The following BRWD3 variants were observed in gnomAD, a reference collection of about 807,000 sequenced individuals.
BRWD3 encodes bromodomain and WD repeat domain containing 3.
Under a neutral mutation model 149.7 loss-of-function variants are expected in BRWD3, and 10 were observed. That is an observed-to-expected ratio of 0.07 (90% CI 0.04 to 0.11). The LOEUF (loss-of-function observed/expected upper bound fraction) is 0.11, where lower values mean the gene tolerates loss of function less well. Among genes scored for constraint, BRWD3 ranks in the 10% least tolerant of loss-of-function variants. BRWD3 has a pLI of 1.00. For synonymous variants in BRWD3, 504 were observed against 456.7 expected, an observed-to-expected ratio of 1.10 and a Z score of -1.32; for missense variants, 940 against 1,373.2, an observed-to-expected ratio of 0.68 and a Z score of 4.99.
intron 17 of BRWD3, among the ~76,000 whole-genome samples, chrX:80,720,291 T>C (rs1230993579): frequency 9.0e-6 from 1 of 111,369 alleles, no homozygotes; most frequent in African/African-American, 3.3e-5. Flanking sequence ...AGATAACAGC[T>C]CCATATTGCC....
chrX:80,676,423 G>T lies in BRWD3; in HGVS notation c.*186C>A. ...TTTAATTTAAGGCCTAATGAGTAAG[G>T]CTTATTTGAACAAATGAAGTGTGGA... On this transcript the variant is annotated 3_prime_UTR_variant, in exon 41 of 41. Coordinates refer to ENST00000373275, the MANE Select transcript of BRWD3 (RefSeq NM_153252.5). 3.7e-6 allele frequency: 2 copies of T among 543,708 alleles called. No individual in the cohort carries two copies. The highest frequency in any genetic ancestry group is 5.8e-6 in the Non-Finnish European group (2 of 342,623). 44.8% of individuals were successfully genotyped at this position (543,708 alleles called of 1,213,427 possible).
chrX:80,796,622 T>C (rs932022977), intron 4 of BRWD3, among the ~76,000 whole-genome samples: 10 of 111,212 alleles, frequency 9.0e-5, no homozygotes, highest in African/African-American at 3.3e-4. Context: ...TTTGGTAAGT[T>C]CCTTCAAAAA....
In BRWD3 at chrX:80,809,625, G is replaced by T. The variant is rs773657193; in HGVS notation, c.-154C>A. 2 of 448,836 alleles carry T rather than the reference G, an allele frequency of 4.5e-6. No homozygotes were observed. The highest frequency in any genetic ancestry group is 3.7e-5 in the East Asian group (1 of 26,868). 37.0% of individuals were successfully genotyped at this position (448,836 alleles called of 1,213,427 possible). A position where few individuals can be genotyped will look rare whatever the true frequency, so the allele number is the denominator to read the frequency against. ...AGTTTCGCTCTCTCTCGAATTCATC[G>T]CATCACGTTTCGACCCATAGATATT... On this transcript the variant is annotated 5_prime_UTR_variant, in exon 1 of 41. Transcript: ENST00000373275.
At chrX:80,784,354 A>T (rs1358353767) in intron 6 of BRWD3, among the ~76,000 whole-genome samples, 1 of 112,216 alleles carries the variant, frequency 8.9e-6, no homozygotes, top group Non-Finnish European at 1.9e-5. Flanking sequence ...GATAGTATCA[A>T]CAATACTAGT....
At position 80,686,960 on chromosome X, in the gene BRWD3, T is replaced by A; in HGVS notation, c.3908A>T (p.Asp1303Val). 6 of 1,210,013 alleles carry A rather than the reference T, an allele frequency of 5.0e-6. No homozygotes were observed. The highest frequency in any genetic ancestry group is 6.7e-6 in the Non-Finnish European group (6 of 894,342). Residue 1303 changes from aspartate (D) to valine (V), a missense_variant, in exon 35 of 41, where the codon GAT (aspartate) becomes GTT (valine). Transcript: ENST00000373275. ...TTCCTTGCATTGTTTTTTCCAAGCA[T>A]CAGGATTACACTTTAAAGACTGTCT... is the stretch of plus-strand genomic sequence containing the variant. ...GRRQSLKCNP[D>V]AWKKQCKELL...
intron 13 of BRWD3, among the ~76,000 whole-genome samples, chrX:80,729,510 C>T (rs899800629): frequency 9.0e-5 from 10 of 111,259 alleles, no homozygotes; most frequent in African/African-American, 2.9e-4. Flanking sequence ...ATATTTATTA[C>T]TGAGTAGGAA....
At chrX:80,742,515 C>A (rs1381397476) in intron 8 of BRWD3, among the ~76,000 whole-genome samples, 3 of 109,741 alleles carry the variant, frequency 2.7e-5, no homozygotes, top group Admixed American at 9.7e-5. Flanking sequence ...GATACTGATT[C>A]TTCCTACCCA....
intron 6 of BRWD3, among the ~76,000 whole-genome samples, chrX:80,761,264 T>C (rs1012620668): frequency 8.9e-6 from 1 of 112,235 alleles, no homozygotes; most frequent in African/African-American, 3.2e-5. Context: ...CAGTCAATCA[T>C]ATTGTCATCA....
chrX:80,714,174 G>A (rs1347830374), intron 20 of BRWD3, among the ~76,000 whole-genome samples: 3 of 108,580 alleles, frequency 2.8e-5, no homozygotes, highest in Non-Finnish European at 5.7e-5. Context: ...GCTACCTGGA[G>A]GCTTCATCTG....
chrX:80,725,100 A>G, intron 14 of BRWD3, 33 bp from the exon 15 acceptor site: 1 of 1,196,760 alleles, frequency 8.4e-7, no homozygotes, highest in East Asian at 3.0e-5. Flanking sequence ...CAATGAAAGC[A>G]ACACGAAATG....
intron 6 of BRWD3, among the ~76,000 whole-genome samples, chrX:80,756,521 A>AAAC (rs1443109404): frequency 9.3e-6 from 1 of 107,852 alleles, no homozygotes; most frequent in Non-Finnish European, 1.9e-5. Context: ...AAAAAAAAAA[A>AAAC]AAAAGAAACA....
chrX:80,794,449 G>A (rs1166914041), intron 4 of BRWD3, among the ~76,000 whole-genome samples: 1 of 109,354 alleles, frequency 9.1e-6, no homozygotes, highest in East Asian at 2.8e-4. Context: ...AGGTTGCAGT[G>A]AGCTGAGATT....
At chrX:80,759,869 A>C (rs890445544) in intron 6 of BRWD3, among the ~76,000 whole-genome samples, 1 of 111,231 alleles carries the variant, frequency 9.0e-6, no homozygotes, top group African/African-American at 3.3e-5. Context: ...TCTAGTCTGT[A>C]GTATAATCCC....
chrX:80,693,580 G>T (rs968322865), intron 27 of BRWD3, among the ~76,000 whole-genome samples: 1 of 111,646 alleles, frequency 9.0e-6, no homozygotes, highest in East Asian at 2.8e-4. Context: ...ATAGAGATCA[G>T]GAACTTATTG....
At chrX:80,687,153 A>T in intron 34 of BRWD3, 150 bp from the exon 35 acceptor site, 1 of 434,138 alleles carries the variant, frequency 2.3e-6, no homozygotes, top group African/African-American at 2.6e-5. Flanking sequence ...TCTTAGTTTA[A>T]ATTAGACAGT....
chrX:80,736,922 T>C (rs1337980580), intron 8 of BRWD3, among the ~76,000 whole-genome samples: 1 of 111,805 alleles, frequency 8.9e-6, no homozygotes, highest in Non-Finnish European at 1.9e-5. Flanking sequence ...AAATCCCAAA[T>C]GAAGATAATT....
chrX:80,678,543 T>C (rs1055362087), intron 40 of BRWD3, among the ~76,000 whole-genome samples: 3 of 111,651 alleles, frequency 2.7e-5, no homozygotes, highest in Non-Finnish European at 5.7e-5. Context: ...GCTGGAGATA[T>C]AATTGCGGAA....
Position 80,706,831 on chromosome X carries a change from G to A in BRWD3, c.2552+596C>T, listed in dbSNP as rs1321291917. Among the ~76,000 whole-genome samples, 22 of 112,764 alleles carry A rather than the reference G, an allele frequency of 2.0e-4. No individual in the cohort carries two copies. In the Admixed American group the frequency reaches 2.0e-3, roughly 10 times the overall value. ...GACTGCTTGAGCCCAGGAGTTCAAG[G>A]CATGCCTGGGCAACATAGCAAGACA... On this transcript the variant is annotated intron_variant, in intron 22 of 40. Transcript: ENST00000373275.
At chrX:80,696,589 A>C in intron 26 of BRWD3, 150 bp downstream of exon 26, 1 of 595,555 alleles carries the variant, frequency 1.7e-6, no homozygotes, top group Non-Finnish European at 2.7e-6. Flanking sequence ...GGAGAAATAA[A>C]CTAGGAATTA....
Sources: gnomAD v4.1 joint callset for allele counts (sites outside exome capture counted in the v4.1 genomes callset) on GRCh38, gnomAD v4.1.1 for gene constraint, MANE v1.5 for transcripts, NCBI Gene and HGNC (gene_info 2026-07-23, HGNC 2026-07-21) for gene names.